LRP1B: variants seen among roughly 807,000 people sequenced by gnomAD.
The protein encoded by LRP1B is LDL receptor related protein 1B.
LRP1B carries 217 observed loss-of-function variants against 556.6 expected under a neutral mutation model. The observed-to-expected ratio is 0.39, with a 90% CI of 0.35 to 0.44. The LOEUF is 0.44. Among genes scored for constraint, LRP1B ranks in the 20% least tolerant of loss-of-function variants. The pLI, the probability that LRP1B is intolerant of heterozygous loss-of-function variation, is 1.00. For missense variants in LRP1B, 5,053 were observed against 5,620.8 expected, an observed-to-expected ratio of 0.90 and a Z score of 3.23; for synonymous variants, 2,047 against 1,865.8, an observed-to-expected ratio of 1.10 and a Z score of -2.50.
intron 2 of LRP1B, among the ~76,000 whole-genome samples, chr2:141,713,925 G>A (rs1692469719): frequency 6.6e-6 from 1 of 152,020 alleles, no homozygotes; most frequent in African/African-American, 2.4e-5. Flanking sequence ...GAGCAATGTT[G>A]GCACCCAGAT....
At chr2:141,281,032 T>A (rs1685491364) in intron 3 of LRP1B, among the ~76,000 whole-genome samples, 1 of 152,012 alleles carries the variant, frequency 6.6e-6, no homozygotes, top group African/African-American at 2.4e-5. Context: ...AAAATACCAA[T>A]GTCTAGACAG....
At chr2:142,114,031 C>G (rs1707099576) in intron 1 of LRP1B, among the ~76,000 whole-genome samples, 1 of 152,070 alleles carries the variant, frequency 6.6e-6, no homozygotes, top group Non-Finnish European at 1.5e-5. Flanking sequence ...AACATTAAAC[C>G]CATTCACTAT....
intron 79 of LRP1B, among the ~76,000 whole-genome samples, chr2:140,328,732 T>A (rs1182655133): frequency 6.6e-6 from 1 of 152,072 alleles, no homozygotes; most frequent in African/African-American, 2.4e-5. Context: ...CAAATTTATT[T>A]TAAAAAATTG....
intron 1 of LRP1B, among the ~76,000 whole-genome samples, chr2:141,905,811 G>A (rs909441558): frequency 1.7e-4 from 25 of 144,548 alleles, no homozygotes; most frequent in African/African-American, 5.8e-4. Context: ...GTGTGGCTAG[G>A]TGTGTATAAA....
In LRP1B at chr2:140,906,972, T is replaced by TAAAAAAAA. The variant is rs398060601; in HGVS notation, c.3520+897_3520+904dup. 3.2e-3 allele frequency among the ~76,000 whole-genome samples: 455 copies of TAAAAAAAA among 142,738 alleles called. 2 individuals carry two copies. Among genetic ancestry groups the TAAAAAAAA allele is most frequent in the African/African-American group, 7.9e-3 (307 of 38,680 alleles). The allele number at this position is 142,738 out of a possible 152,430, so 93.6% of individuals were successfully genotyped here. ...AAAAAAGACATTTTACCACATATGG[T>TAAAAAAAA]AAAAAAAAAAAAAACTTCCTTTTTT... On this transcript the variant is annotated intron_variant, in intron 22 of 90. Coordinates refer to ENST00000389484, the MANE Select transcript of LRP1B (RefSeq NM_018557.3).
At chr2:140,756,938 G>A (rs1351606757) in intron 35 of LRP1B, among the ~76,000 whole-genome samples, 2 of 152,060 alleles carry the variant, frequency 1.3e-5, no homozygotes, top group Non-Finnish European at 2.9e-5. Flanking sequence ...TATCTAGAAT[G>A]TATTCAAAAT....
chr2:140,858,278 G>A (rs944547627), intron 27 of LRP1B, among the ~76,000 whole-genome samples: 2 of 151,854 alleles, frequency 1.3e-5, no homozygotes, highest in African/African-American at 4.8e-5. Flanking sequence ...AGTAGAACTA[G>A]GGATTCTGCA....
intron 1 of LRP1B, among the ~76,000 whole-genome samples, chr2:141,943,508 AT>A (rs1183576535): frequency 2.6e-5 from 4 of 152,154 alleles, no homozygotes; most frequent in African/African-American, 9.7e-5. Context: ...ATAGTTTTAT[AT>A]TTAAATTACC....
intron 42 of LRP1B, among the ~76,000 whole-genome samples, chr2:140,600,767 G>GGT (rs1682625280): frequency 1.8e-5 from 1 of 56,910 alleles, no homozygotes; most frequent in African/African-American, 7.3e-5. Flanking sequence ...GTTCTTCGGG[G>GGT]TTTTTTTTTT....
intron 11 of LRP1B, among the ~76,000 whole-genome samples, chr2:141,030,899 G>C (rs1470567078): frequency 6.6e-6 from 1 of 151,808 alleles, no homozygotes; most frequent in Non-Finnish European, 1.5e-5. Context: ...TTTTTTGAGG[G>C]AGGCAAAAAG....
chr2:141,602,680 C>G (rs1299421557), intron 2 of LRP1B, among the ~76,000 whole-genome samples: 1 of 152,120 alleles, frequency 6.6e-6, no homozygotes, highest in Admixed American at 6.5e-5. Context: ...CCTCTGCTTG[C>G]CAGGATACAT....
At chr2:140,771,537 G>A (rs13423651) in intron 33 of LRP1B, among the ~76,000 whole-genome samples, 78,922 of 151,812 alleles carry the variant, frequency 0.52, 20,684 homozygotes, top group East Asian at 0.75. Context: ...TAATTCTCCC[G>A]AAATATATGA....
chr2:141,042,459 G>C (rs920428513), intron 11 of LRP1B, among the ~76,000 whole-genome samples: 1 of 152,096 alleles, frequency 6.6e-6, no homozygotes, highest in South Asian at 2.1e-4. Flanking sequence ...GTAATAAACT[G>C]TACTTTGTCT....
intron 1 of LRP1B, among the ~76,000 whole-genome samples, chr2:141,958,575 C>T (rs1701325449): frequency 1.3e-5 from 2 of 151,944 alleles, no homozygotes; most frequent in South Asian, 4.1e-4. Context: ...TGTGCTTCAG[C>T]CAGTGTCTTA....
At chr2:140,404,297 C>G (rs942916554) in intron 66 of LRP1B, among the ~76,000 whole-genome samples, 5 of 151,106 alleles carry the variant, frequency 3.3e-5, no homozygotes, top group African/African-American at 1.2e-4. Flanking sequence ...GCCTCAGCCT[C>G]CCGAGTAGCT....
chr2:140,427,863 C>T (rs1685731036), intron 66 of LRP1B, among the ~76,000 whole-genome samples: 1 of 152,048 alleles, frequency 6.6e-6, no homozygotes, highest in Non-Finnish European at 1.5e-5. Context: ...CCCTATAATC[C>T]TTTTATCACC....
intron 7 of LRP1B, among the ~76,000 whole-genome samples, chr2:141,103,356 C>T (rs905653202): frequency 6.6e-6 from 1 of 152,066 alleles, no homozygotes; most frequent in African/African-American, 2.4e-5. Context: ...ATTTAAAAGA[C>T]TTGTTTTACG....
chr2:141,025,196 A>G (rs1698183835), intron 11 of LRP1B, among the ~76,000 whole-genome samples: 2 of 152,210 alleles, frequency 1.3e-5, no homozygotes, highest in Admixed American at 6.6e-5. Flanking sequence ...TATTACTCTT[A>G]TGGGAATTCT....
chr2:141,935,625 T>A (rs1355298540), intron 1 of LRP1B, among the ~76,000 whole-genome samples: 1 of 152,074 alleles, frequency 6.6e-6, no homozygotes, highest in African/African-American at 2.4e-5. Flanking sequence ...GATGAAAAAA[T>A]GATCTAGTTA....
Sources: allele counts gnomAD v4.1 joint callset (sites outside exome capture counted in the v4.1 genomes callset), GRCh38; gene constraint gnomAD v4.1.1; transcripts MANE v1.5; gene names NCBI Gene and HGNC (gene_info 2026-07-23, HGNC 2026-07-21).